The following KIF16B variants were observed in gnomAD, a reference collection of about 807,000 sequenced individuals.
KIF16B encodes the protein kinesin family member 16B, also known as kinesin-like protein KIF16B.
KIF16B carries 98 observed loss-of-function variants against 156.3 expected under a neutral mutation model. The observed-to-expected ratio is 0.63, with a 90% CI of 0.53 to 0.74. KIF16B has a LOEUF of 0.74. KIF16B is among the 30% of genes least tolerant of loss of function. The pLI, the probability that KIF16B is intolerant of heterozygous loss-of-function variation, is 0.00. For synonymous variants in KIF16B, 564 were observed against 583.7 expected (o/e 0.97, Z 0.49); for missense variants, 1,421 against 1,606.5 (o/e 0.88, Z 1.97).
At chr20:16,543,285 C>T (rs1248960878) in intron 1 of KIF16B, among the ~76,000 whole-genome samples, 1 of 152,186 alleles carries the variant, frequency 6.6e-6, no homozygotes, top group Non-Finnish European at 1.5e-5. Flanking sequence ...ATCCCTTCTT[C>T]TGAATGGAGC....
intron 17 of KIF16B, among the ~76,000 whole-genome samples, chr20:16,399,689 G>C (rs2065600772): frequency 6.6e-6 from 1 of 152,206 alleles, no homozygotes; most frequent in South Asian, 2.1e-4. Context: ...CCAGGGCCTA[G>C]TTTTTCAAGG....
At chr20:16,301,621 C>A (rs1318018852) in intron 25 of KIF16B, among the ~76,000 whole-genome samples, 1 of 151,994 alleles carries the variant, frequency 6.6e-6, no homozygotes, top group Non-Finnish European at 1.5e-5. Flanking sequence ...TTCTGTATAT[C>A]TTCTTTGGTG....
chr20:16,399,459 C>T (rs2065594474), intron 17 of KIF16B, among the ~76,000 whole-genome samples: 1 of 152,128 alleles, frequency 6.6e-6, no homozygotes, highest in Admixed American at 6.5e-5. Context: ...CACTCAAGCC[C>T]CAGCACAGGG....
chr20:16,375,071 T>C (rs752367088), intron 19 of KIF16B, among the ~76,000 whole-genome samples: 15 of 151,992 alleles, frequency 9.9e-5, no homozygotes, highest in Non-Finnish European at 2.1e-4. Flanking sequence ...AAATAAACCA[T>C]AAAATTAACC....
intron 19 of KIF16B, among the ~76,000 whole-genome samples, chr20:16,376,141 T>C (rs955465951): frequency 2.0e-5 from 3 of 152,326 alleles, no homozygotes; most frequent in African/African-American, 7.2e-5. Flanking sequence ...GAGTTATTCT[T>C]CATGGTTTTC....
At chr20:16,384,286 G>A (rs1339135994) in intron 17 of KIF16B, among the ~76,000 whole-genome samples, 3 of 152,100 alleles carry the variant, frequency 2.0e-5, no homozygotes, top group Admixed American at 6.5e-5. Context: ...CCAGGCTCCC[G>A]GTCTGTAAGT....
intron 1 of KIF16B, among the ~76,000 whole-genome samples, chr20:16,530,066 G>A (rs1264875234): frequency 3.9e-5 from 6 of 152,132 alleles, no homozygotes; most frequent in Admixed American, 3.9e-4. Context: ...AAAAGGCCTA[G>A]AATCTTACAC....
chr20:16,406,453 G>C lies in KIF16B; in HGVS notation c.1616C>G (p.Ala539Gly). 1 of 1,613,288 alleles carries C rather than the reference G, an allele frequency of 6.2e-7. No homozygotes were observed. Among genetic ancestry groups the C allele is most frequent in the Middle Eastern group, 1.7e-4 (1 of 6,054 alleles). ...ATTGGTTCTTCCCAAGAGAATCACA[G>C]CACCTGAAAACACACAAAAACAGTA... ...IVEATHLNQG[A>G]VILLGRTNMF... is the part of the protein sequence containing the mutation. Residue 539 changes from alanine (A) to glycine (G), a missense_variant, in exon 16 of 26, where the codon GCT becomes GGT. By Grantham distance (60) the Ala-to-Gly change is moderately conservative. Transcript: ENST00000354981.
At chr20:16,414,673 T>C (rs2066042829) in intron 15 of KIF16B, among the ~76,000 whole-genome samples, 1 of 152,118 alleles carries the variant, frequency 6.6e-6, no homozygotes, top group Admixed American at 6.6e-5. Context: ...TTTGAAGCTT[T>C]GTAAAATTTC....
At chr20:16,328,467 AC>A (rs1337244493) in intron 24 of KIF16B, among the ~76,000 whole-genome samples, 1 of 152,210 alleles carries the variant, frequency 6.6e-6, no homozygotes, top group Non-Finnish European at 1.5e-5. Context: ...ACATTTTAAT[AC>A]ATGAAATGTC....
chr20:16,314,769 C>T (rs1049613927), intron 24 of KIF16B, among the ~76,000 whole-genome samples: 7 of 152,136 alleles, frequency 4.6e-5, no homozygotes, highest in African/African-American at 1.7e-4. Flanking sequence ...TCCCTTGTGG[C>T]CTCTCTGCAT....
intron 25 of KIF16B, among the ~76,000 whole-genome samples, chr20:16,279,016 C>T (rs758973441): frequency 6.6e-6 from 1 of 152,132 alleles, no homozygotes; most frequent in Non-Finnish European, 1.5e-5. Flanking sequence ...CTCTGCAAGG[C>T]TCACGCTCTT....
chr20:16,274,756 C>A (rs1168550368), intron 25 of KIF16B, among the ~76,000 whole-genome samples: 2 of 152,204 alleles, frequency 1.3e-5, no homozygotes, highest in Non-Finnish European at 2.9e-5. Flanking sequence ...ACAGGCAGTG[C>A]ACCTGGTGGA....
chr20:16,500,196 G>A (rs1396012946), intron 10 of KIF16B, among the ~76,000 whole-genome samples: 1 of 152,094 alleles, frequency 6.6e-6, no homozygotes, highest in Non-Finnish European at 1.5e-5. Context: ...ACATGTATAC[G>A]TATACCCATT....
intron 14 of KIF16B, 45 bp downstream of exon 14, chr20:16,428,908 A>T (rs747683691): frequency 1.2e-5 from 19 of 1,541,372 alleles, no homozygotes; most frequent in Admixed American, 1.7e-5. Context: ...CTTGAATACA[A>T]CCTTAAAAAA....
chr20:16,303,373 A>G (rs1304041834), intron 25 of KIF16B, among the ~76,000 whole-genome samples: 1 of 152,210 alleles, frequency 6.6e-6, no homozygotes, highest in Non-Finnish European at 1.5e-5. Context: ...TCTATTAGGT[A>G]CTTTTTACAT....
intron 25 of KIF16B, among the ~76,000 whole-genome samples, chr20:16,274,819 C>T (rs1299918959): frequency 1.3e-5 from 2 of 152,176 alleles, no homozygotes; most frequent in Non-Finnish European, 2.9e-5. Flanking sequence ...GCCCAAATGT[C>T]GACGATGCCA....
At chr20:16,404,670 A>G (rs1481796451) in intron 17 of KIF16B, 143 bp downstream of exon 17, 1 of 633,038 alleles carries the variant, frequency 1.6e-6, no homozygotes. Context: ...AGGGCTGGAA[A>G]GGAACTCGGA....
At chr20:16,351,214 TTA>T (rs1459002967) in intron 23 of KIF16B, among the ~76,000 whole-genome samples, 3 of 152,186 alleles carry the variant, frequency 2.0e-5, no homozygotes, top group Non-Finnish European at 2.9e-5. Context: ...GCTTATTTCT[TTA>T]TGTTACCGTG....
Sources: allele counts gnomAD v4.1 joint callset (sites outside exome capture counted in the v4.1 genomes callset), GRCh38; gene constraint gnomAD v4.1.1; transcripts MANE v1.5; gene names NCBI Gene and HGNC (gene_info 2026-07-23, HGNC 2026-07-21).